The following TEAD1 variants were observed in gnomAD, a reference collection of about 807,000 sequenced individuals.
TEAD1 encodes TEA domain transcription factor 1.
A neutral mutation model predicts 54.9 loss-of-function variants in TEAD1; 9 were observed. That is an observed-to-expected ratio of 0.16 (90% confidence interval 0.10 to 0.29). The LOEUF is 0.29. TEAD1 is among the 10% of genes least tolerant of loss of function. The pLI is 1.00. For synonymous variants in TEAD1, 200 were observed against 187.8 expected (o/e 1.07, Z -0.53); for missense variants, 387 against 535.9 (o/e 0.72, Z 2.74).
rs550177426 is a variant in TEAD1 at position 12,848,578 on chromosome 11, G to A, written c.203-13672G>A. Among the ~76,000 whole-genome samples the A allele has an allele frequency of 2.6e-5, 4 of 152,282 alleles. No homozygotes were observed. The East Asian group carries it at 7.7e-4, about 29-fold the overall frequency. ...GCAAGTTTCTTAACTTCTTTGAACT[G>A]CAGTTTCAGCATGTATAAAATGCTG... is the stretch of plus-strand genomic sequence containing the variant. On this transcript the variant is annotated intron_variant, in intron 3 of 12. Transcript: ENST00000527636.
chr11:12,893,057 C>T (rs982189704), intron 9 of TEAD1, among the ~76,000 whole-genome samples: 2 of 152,190 alleles, frequency 1.3e-5, no homozygotes, highest in Non-Finnish European at 2.9e-5. Flanking sequence ...AGCAACTTGC[C>T]TCAAGCCACT....
chr11:12,910,205 G>A lies in TEAD1; in HGVS notation c.873+8092G>A, dbSNP rs1398774390. Among the ~76,000 whole-genome samples, 3 of 152,318 alleles carry A rather than the reference G, an allele frequency of 2.0e-5. No individual in the cohort carries two copies. The East Asian group carries it at 5.8e-4, about 29-fold the overall frequency. On this transcript the variant is annotated intron_variant, in intron 10 of 12. Transcript: ENST00000527636. ...TGCATCCCGAAGGACAAAAACCCAAGTGTAGCTCACAGCTGACTGTCAAAA... is the reference window on the plus strand; with the variant it reads ...TGCATCCCGAAGGACAAAAACCCAAATGTAGCTCACAGCTGACTGTCAAAA...
chr11:12,678,783 A>G (rs1943151420), intron 2 of TEAD1, among the ~76,000 whole-genome samples: 1 of 152,216 alleles, frequency 6.6e-6, no homozygotes, highest in Non-Finnish European at 1.5e-5. Context: ...GAGTGTCCTC[A>G]ATCTGTAAGA....
At chr11:12,871,959 G>A (rs190263460) in intron 5 of TEAD1, among the ~76,000 whole-genome samples, 3 of 152,184 alleles carry the variant, frequency 2.0e-5, no homozygotes, top group African/African-American at 7.2e-5. Flanking sequence ...ATGTCCAGTC[G>A]CCGGTGACTA....
At chr11:12,777,894 C>T (rs16911580) in intron 3 of TEAD1, among the ~76,000 whole-genome samples, 5,239 of 152,202 alleles carry the variant, frequency 0.034, 327 homozygotes, top group African/African-American at 0.12. Context: ...GTTGAACATA[C>T]GCATTGTGAT....
At chr11:12,827,077 T>A (rs570340031) in intron 3 of TEAD1, among the ~76,000 whole-genome samples, 2 of 152,292 alleles carry the variant, frequency 1.3e-5, no homozygotes, top group South Asian at 4.1e-4. Flanking sequence ...GTTGTTATTG[T>A]TTTTAGGGCT....
chr11:12,839,203 G>T (rs761901653), intron 3 of TEAD1, among the ~76,000 whole-genome samples: 108 of 152,170 alleles, frequency 7.1e-4, no homozygotes, highest in Non-Finnish European at 1.1e-3. Flanking sequence ...CTGAGGTCAG[G>T]AGTTTGAGAC....
chr11:12,904,186 T>C (rs574246627), intron 10 of TEAD1, among the ~76,000 whole-genome samples: 1 of 152,294 alleles, frequency 6.6e-6, no homozygotes, highest in South Asian at 2.1e-4. Context: ...GCTTTGCTGC[T>C]AAAATTCATG....
At chr11:12,915,585 C>T (rs532031719) in intron 10 of TEAD1, among the ~76,000 whole-genome samples, 13 of 152,318 alleles carry the variant, frequency 8.5e-5, no homozygotes, top group African/African-American at 1.7e-4. Flanking sequence ...TGGTGGCCCA[C>T]GCGTATAATC....
intron 9 of TEAD1, among the ~76,000 whole-genome samples, chr11:12,895,419 G>T (rs186916813): frequency 1.1e-4 from 16 of 152,248 alleles, no homozygotes; most frequent in Admixed American, 9.2e-4. Context: ...GGTTTTACTG[G>T]TGCAACATCT....
intron 3 of TEAD1, among the ~76,000 whole-genome samples, chr11:12,854,723 C>T (rs1947337629): frequency 6.6e-6 from 1 of 151,612 alleles, no homozygotes. Context: ...TCCTGAGTAC[C>T]TGGGACCACA....
At chr11:12,691,751 A>G (rs916280018) in intron 2 of TEAD1, among the ~76,000 whole-genome samples, 35 of 152,190 alleles carry the variant, frequency 2.3e-4, no homozygotes, top group South Asian at 2.1e-4. Context: ...AGTTTGTTCT[A>G]TTCCTTGTAT....
intron 12 of TEAD1, among the ~76,000 whole-genome samples, chr11:12,932,386 T>A (rs1342709421): frequency 1.3e-5 from 2 of 151,766 alleles, no homozygotes; most frequent in Non-Finnish European, 2.9e-5. Flanking sequence ...TAACCAAAAC[T>A]CTGAATGAAT....
chr11:12,701,165 A>G (rs538734744), intron 2 of TEAD1, among the ~76,000 whole-genome samples: 1 of 152,222 alleles, frequency 6.6e-6, no homozygotes, highest in South Asian at 2.1e-4. Flanking sequence ...GTGTGGACAG[A>G]TTGTGTTCTT....
At chr11:12,724,714 A>G (rs1342227074) in intron 2 of TEAD1, among the ~76,000 whole-genome samples, 1 of 152,238 alleles carries the variant, frequency 6.6e-6, no homozygotes, top group African/African-American at 2.4e-5. Context: ...TCTTGAGGGC[A>G]GAACCTCCTG....
At chr11:12,936,000 A>T (rs1051020292) in intron 12 of TEAD1, among the ~76,000 whole-genome samples, 1 of 152,190 alleles carries the variant, frequency 6.6e-6, no homozygotes, top group South Asian at 2.1e-4. Context: ...AGGGAAACTA[A>T]ACAGGGGAAA....
intron 10 of TEAD1, among the ~76,000 whole-genome samples, chr11:12,917,304 A>G (rs1310362074): frequency 6.6e-6 from 1 of 152,194 alleles, no homozygotes; most frequent in Non-Finnish European, 1.5e-5. Context: ...GGAAGAGGCA[A>G]GGAAACAGAA....
chr11:12,814,903 G>A (rs929180236), intron 3 of TEAD1, among the ~76,000 whole-genome samples: 16 of 151,610 alleles, frequency 1.1e-4, no homozygotes, highest in African/African-American at 3.2e-4. Flanking sequence ...CGGAGCGCAC[G>A]CACCCATCAG....
intron 2 of TEAD1, among the ~76,000 whole-genome samples, chr11:12,686,566 T>G (rs1406481332): frequency 6.6e-6 from 1 of 152,204 alleles, no homozygotes; most frequent in Non-Finnish European, 1.5e-5. Context: ...AGTGGTATTC[T>G]GAAAGGTTGG....
Sources: gnomAD v4.1 joint callset for allele counts (sites outside exome capture counted in the v4.1 genomes callset) on GRCh38, gnomAD v4.1.1 for gene constraint, MANE v1.5 for transcripts, NCBI Gene and HGNC (gene_info 2026-07-23, HGNC 2026-07-21) for gene names.